NF1: variants seen among roughly 807,000 people sequenced by gnomAD.
The protein encoded by NF1 is neurofibromin 1.
NF1 carries 122 observed loss-of-function variants against 325.7 expected under a neutral mutation model. The ratio of observed to expected loss-of-function variants is 0.37; its 90% CI spans 0.32 to 0.44. The LOEUF (loss-of-function observed/expected upper bound fraction) is 0.44. Ranked by LOEUF, NF1 falls within the 20% of genes least tolerant of loss-of-function variation. NF1 has a pLI of 1.00. For missense variants in NF1, 2,140 were observed against 3,415.4 expected, an observed-to-expected ratio of 0.63 and a Z score of 9.31; for synonymous variants, 1,091 against 1,186.0, an observed-to-expected ratio of 0.92 and a Z score of 1.65.
Position 31,306,645 on chromosome 17 carries a change from C to G in NF1, c.4836-19175C>G, listed in dbSNP as rs2068729197. ...TTGCATATTTTTAAAGAATTTCATT[C>G]AACTCAGAGTCTTAGGCTTAAAATC... On this transcript the variant is annotated intron_variant, in intron 36 of 57. Coordinates refer to ENST00000358273, the MANE Select transcript of NF1 (RefSeq NM_001042492.3). 2.0e-5 allele frequency among the ~76,000 whole-genome samples: 3 copies of G among 152,062 alleles called. No homozygotes were observed. In the South Asian group the frequency reaches 6.2e-4, roughly 31 times the overall value.
intron 29 of NF1, among the ~76,000 whole-genome samples, chr17:31,240,529 T>C (rs1047686714): frequency 2.6e-5 from 4 of 152,252 alleles, no homozygotes; most frequent in Non-Finnish European, 5.9e-5. Flanking sequence ...TGAATAGTGC[T>C]GCAACAAACA....
intron 36 of NF1, chr17:31,272,120 A>G (rs1443974493): frequency 1.3e-5 from 2 of 152,254 alleles, no homozygotes; most frequent in Non-Finnish European, 2.9e-5. Flanking sequence ...TTTGCAAAAA[A>G]AAATCAAGAT....
chr17:31,096,007 G>C (rs1397440050), intron 1 of NF1, among the ~76,000 whole-genome samples: 1 of 151,692 alleles, frequency 6.6e-6, no homozygotes, highest in African/African-American at 2.4e-5. Context: ...GCACATCTTT[G>C]TGATGCCCTA....
At chr17:31,253,789 C>A (rs2067532827) in intron 31 of NF1, 2 of 152,274 alleles carry the variant, frequency 1.3e-5, no homozygotes, top group Non-Finnish European at 2.9e-5. Context: ...ATTCATTTTA[C>A]ATTTGCCATT....
In NF1 at chr17:31,230,340, C is replaced by T. The variant is rs1555614525; in HGVS notation, c.3071C>T (p.Ala1024Val). Residue 1024 changes from alanine to valine, a missense_variant, in exon 23 of 58, where the codon GCA becomes GTA. Ala to Val is a moderately conservative substitution (Grantham distance 64). This residue lies in a region of NF1 where 380 missense variants were observed against 639.3 expected (regional missense o/e 0.59). Coordinates refer to ENST00000358273, the MANE Select transcript of NF1 (RefSeq NM_001042492.3). ...TGTCAATTAGTTGAAGTAATGATGG[C>T]AAGGAGAGATGACCTCTCATTTTGC... ...KLCQLVEVMM[A>V]RRDDLSFCQE... 1.9e-6 allele frequency: 3 copies of T among 1,613,370 alleles called. No individual in the cohort carries two copies. Among genetic ancestry groups the T allele is most frequent in the Non-Finnish European group, 2.5e-6 (3 of 1,179,562 alleles).
chr17:31,119,797 C>G (rs2143374878), intron 1 of NF1, among the ~76,000 whole-genome samples: 1 of 152,180 alleles, frequency 6.6e-6, no homozygotes, highest in South Asian at 2.1e-4. Flanking sequence ...TAAGGTATAA[C>G]AAAAGGGCCC....
chr17:31,321,093 C>T (rs1165892836), intron 36 of NF1: 1 of 152,118 alleles, frequency 6.6e-6, no homozygotes, highest in South Asian at 2.1e-4. Flanking sequence ...TGTTTTTACT[C>T]CAGTTTATGC....
At chr17:31,308,610 G>GT (rs1251828172) in intron 36 of NF1, among the ~76,000 whole-genome samples, 2 of 149,996 alleles carry the variant, frequency 1.3e-5, no homozygotes, top group African/African-American at 2.4e-5. Flanking sequence ...CTTCTATGCT[G>GT]TTTTTTACCC....
At chr17:31,315,422 CACA>C (rs1200896143) in intron 36 of NF1, among the ~76,000 whole-genome samples, 1 of 152,128 alleles carries the variant, frequency 6.6e-6, no homozygotes, top group Non-Finnish European at 1.5e-5. Flanking sequence ...TCCTTTGTAA[CACA>C]AAGGATAAGT....
chr17:31,160,910 C>G (rs937039858), intron 3 of NF1, among the ~76,000 whole-genome samples: 1 of 152,058 alleles, frequency 6.6e-6, no homozygotes, highest in African/African-American at 2.4e-5. Context: ...ATTATCTTGC[C>G]GTGCTCTACT....
At position 31,336,686 on chromosome 17, in the gene NF1, C is replaced by T. The variant is rs1340390812; in HGVS notation, c.6199C>T (p.Pro2067Ser). ...IIDKTCLSPT[P>S]TLEQHLMWDD... ...TGACAAGACATGCTTATCTCCAACT[C>T]CTACTTTAGAACAACATCTTATGTG... Residue 2067 changes from proline (P) to serine (S), a missense_variant, in exon 42 of 58, where the codon CCT becomes TCT. Physicochemically the swap from Pro to Ser is moderately conservative, Grantham distance 74. Coordinates refer to ENST00000358273, the MANE Select transcript of NF1 (RefSeq NM_001042492.3). This position sits in a 1 kb window ranked among gnomAD's most constrained non-coding sequence, Gnocchi z 5.5. The T allele has an allele frequency of 6.2e-7, 1 of 1,613,714 alleles. No homozygotes were observed. Among genetic ancestry groups the T allele is most frequent in the Admixed American group, 1.7e-5 (1 of 59,988 alleles).
intron 14 of NF1, among the ~76,000 whole-genome samples, chr17:31,221,617 A>G (rs1052721445): frequency 7.9e-5 from 12 of 152,110 alleles, no homozygotes; most frequent in African/African-American, 2.9e-4. Flanking sequence ...TTATATGTAC[A>G]TGCCAGTTAG....
chr17:31,286,960 T>C (rs537839846), intron 36 of NF1, among the ~76,000 whole-genome samples: 1 of 152,338 alleles, frequency 6.6e-6, no homozygotes, highest in Middle Eastern at 3.4e-3. Flanking sequence ...GTTTCAACTG[T>C]GACTATGAGC....
At chr17:31,199,274 G>C (rs1319965570) in intron 8 of NF1, among the ~76,000 whole-genome samples, 1 of 152,042 alleles carries the variant, frequency 6.6e-6, no homozygotes, top group East Asian at 1.9e-4. Context: ...TTAGTATGTT[G>C]TGTTTTCGTT....
At position 31,095,016 on chromosome 17, in the gene NF1, T is replaced by G. The variant is rs1480634027; in HGVS notation, c.-294T>G. 5.3e-6 allele frequency: 3 copies of G among 569,308 alleles called. No homozygotes were observed. Among genetic ancestry groups the G allele is most frequent in the Non-Finnish European group, 9.4e-6 (3 of 319,936 alleles). 35.3% of individuals were successfully genotyped at this position (569,308 alleles called of 1,614,324 possible). ...GTCATGGCGGCGTCTCGGACTGTGA[T>G]GGCTGTGGGGAGACGGCGCTAGTGG... On this transcript the variant is annotated 5_prime_UTR_variant, in exon 1 of 58. The change abolishes an upstream ATG in the 5' untranslated region. Coordinates refer to ENST00000358273, the MANE Select transcript of NF1 (RefSeq NM_001042492.3).
intron 4 of NF1, among the ~76,000 whole-genome samples, chr17:31,167,839 A>G (rs2065870166): frequency 6.6e-6 from 1 of 152,190 alleles, no homozygotes; most frequent in South Asian, 2.1e-4. Context: ...CTTCATATTC[A>G]ACATAGGAGA....
chr17:31,196,120 GTTATA>G (rs764238873), intron 8 of NF1, among the ~76,000 whole-genome samples: 19 of 151,926 alleles, frequency 1.3e-4, no homozygotes, highest in Admixed American at 2.6e-4. Flanking sequence ...TTATATAAAG[GTTATA>G]TTATATTTCC....
At chr17:31,102,867 A>T (rs1409821751) in intron 1 of NF1, among the ~76,000 whole-genome samples, 4 of 148,552 alleles carry the variant, frequency 2.7e-5, no homozygotes, top group African/African-American at 7.5e-5. Context: ...TTTTTTTGAG[A>T]TAGAGTCTCG....
At chr17:31,331,904 T>TAAAAAAAAAAAAAAAAAAA (rs755592420) in intron 39 of NF1, 1 of 42,882 alleles carries the variant, frequency 2.3e-5, no homozygotes, top group East Asian at 1.2e-3. Context: ...CCTTCTCTAT[T>TAAAAAAAAAAAAAAAAAAA]AAAAAAAAAA....
Sources: allele counts gnomAD v4.1 joint callset (sites outside exome capture counted in the v4.1 genomes callset), GRCh38; gene constraint gnomAD v4.1.1; regional missense constraint gnomAD v4.1.1; non-coding constraint Gnocchi (gnomAD v3.1); transcripts MANE v1.5; gene names NCBI Gene and HGNC (gene_info 2026-07-23, HGNC 2026-07-21).